The following PCDH15 variants were observed in gnomAD, a reference collection of about 807,000 sequenced individuals.
The protein encoded by PCDH15 is protocadherin related 15, also known as protocadherin-15.
In PCDH15, 129 loss-of-function variants were observed where a neutral mutation model predicts 178.5. The ratio of observed to expected loss-of-function variants is 0.72; its 90% CI spans 0.63 to 0.84. The LOEUF (loss-of-function observed/expected upper bound fraction) is 0.84. Among genes scored for constraint, PCDH15 ranks in the 40% least tolerant of loss-of-function variants. The pLI is 0.00. For missense variants in PCDH15, 2,230 were observed against 2,099.9 expected (o/e 1.06, Z -1.21); for synonymous variants, 800 against 732.0 (o/e 1.09, Z -1.50).
chr10:55,437,782 C>T (rs1350704797), intron 2 of PCDH15, among the ~76,000 whole-genome samples: 1 of 150,802 alleles, frequency 6.6e-6, no homozygotes, highest in Non-Finnish European at 1.5e-5. Flanking sequence ...TTAAAAAGTA[C>T]CATAAAGAAC....
At chr10:55,035,915 C>T (rs10825445) in intron 2 of PCDH15, among the ~76,000 whole-genome samples, 86,840 of 151,850 alleles carry the variant, frequency 0.57, 25,145 homozygotes, top group East Asian at 0.75. Context: ...ATATTAAGAA[C>T]GAGAAGGAAT....
intron 2 of PCDH15, among the ~76,000 whole-genome samples, chr10:55,577,181 T>G (rs991008957): frequency 6.6e-6 from 1 of 152,168 alleles, no homozygotes; most frequent in Non-Finnish European, 1.5e-5. Flanking sequence ...GTGCAGAGGT[T>G]GCAGTGAGCC....
intron 20 of PCDH15, among the ~76,000 whole-genome samples, chr10:54,010,066 G>A (rs770347952): frequency 6.6e-6 from 1 of 152,142 alleles, no homozygotes; most frequent in Non-Finnish European, 1.5e-5. Flanking sequence ...GTCCATTCCA[G>A]CCCCACCTGA....
At chr10:54,844,689 CTG>C (rs1163075101) in intron 3 of PCDH15, among the ~76,000 whole-genome samples, 2 of 151,926 alleles carry the variant, frequency 1.3e-5, no homozygotes, top group Non-Finnish European at 2.9e-5. Context: ...ACTGAAAACA[CTG>C]TTAACACTAA....
rs188591899 is a variant in PCDH15 at position 54,353,488 on chromosome 10, T to C, written c.475-7004A>G. Among the ~76,000 whole-genome samples, 7 of 152,254 alleles carry C rather than the reference T, an allele frequency of 4.6e-5. No individual in the cohort carries two copies. The East Asian group carries it at 1.4e-3, about 29-fold the overall frequency. On this transcript the variant is annotated intron_variant, in intron 5 of 37. Coordinates refer to ENST00000644397, the MANE Select transcript of PCDH15 (RefSeq NM_001384140.1). ...GTAATGAACACCTACACAAAAAATA[T>C]AATATTTTTATCACACTGTAAAATT...
chr10:54,806,945 T>TA (rs1952787958), intron 3 of PCDH15, among the ~76,000 whole-genome samples: 1 of 152,210 alleles, frequency 6.6e-6, no homozygotes, highest in South Asian at 2.1e-4. Context: ...ACTAGCAAGA[T>TA]AAAATCTTAC....
chr10:53,844,035 A>G lies in PCDH15; in HGVS notation c.3807-3539T>C, dbSNP rs189117080. 5.9e-5 allele frequency among the ~76,000 whole-genome samples: 9 copies of G among 151,764 alleles called. No homozygotes were observed. In the East Asian group the frequency reaches 1.7e-3, roughly 29 times the overall value. On this transcript the variant is annotated intron_variant, in intron 28 of 37. Transcript: ENST00000644397. ...TTGAGACTTTGATATTTGAGCAAAA[A>G]CTTTAGGGAACAATGTGTGCTGTGG...
chr10:55,047,016 T>C (rs1041404582), intron 2 of PCDH15, among the ~76,000 whole-genome samples: 19 of 151,900 alleles, frequency 1.3e-4, no homozygotes, highest in African/African-American at 4.1e-4. Flanking sequence ...TTGCAGCATT[T>C]TTTTAATCTC....
At chr10:55,153,703 T>C (rs566886827) in intron 2 of PCDH15, among the ~76,000 whole-genome samples, 1 of 152,262 alleles carries the variant, frequency 6.6e-6, no homozygotes, top group South Asian at 2.1e-4. Context: ...TTTTCATTTG[T>C]CTTCCACAAA....
chr10:54,599,220 C>T (rs766994182), intron 2 of PCDH15, among the ~76,000 whole-genome samples: 21 of 152,128 alleles, frequency 1.4e-4, no homozygotes, highest in Non-Finnish European at 2.4e-4. Context: ...GCACAAAGAA[C>T]AAAGCCGGAG....
intron 3 of PCDH15, among the ~76,000 whole-genome samples, chr10:54,519,886 C>T (rs1046227096): frequency 2.0e-5 from 3 of 152,110 alleles, no homozygotes; most frequent in African/African-American, 7.2e-5. Context: ...TGGAACAGAA[C>T]AGAGCCCTCA....
chr10:54,671,966 C>T (rs77747905), intron 1 of PCDH15, among the ~76,000 whole-genome samples: 2 of 152,104 alleles, frequency 1.3e-5, no homozygotes, highest in East Asian at 3.9e-4. Context: ...CCATCATTCG[C>T]ATTACCGCCT....
intron 1 of PCDH15, among the ~76,000 whole-genome samples, chr10:54,678,510 T>C (rs1232894951): frequency 6.6e-6 from 1 of 152,106 alleles, no homozygotes; most frequent in Non-Finnish European, 1.5e-5. Context: ...CCAATGAGGG[T>C]CCTTATATAA....
chr10:54,646,469 A>T (rs2094132085), intron 2 of PCDH15, among the ~76,000 whole-genome samples: 1 of 152,124 alleles, frequency 6.6e-6, no homozygotes, highest in Non-Finnish European at 1.5e-5. Context: ...TATATTTTGG[A>T]GAAATAGACA....
Position 54,253,504 on chromosome 10 carries a change from C to T in PCDH15, c.877-16573G>A, listed in dbSNP as rs147327162. Among the ~76,000 whole-genome samples the T allele has an allele frequency of 3.3e-5, 5 of 152,028 alleles. No homozygotes were observed. In the Middle Eastern group the frequency reaches 0.01, roughly 310 times the overall value. ...CTTCCTCTAGTTCTGTATCATCCAG[C>T]ATAGAGGACACATAATACTTTACAA... On this transcript the variant is annotated intron_variant, in intron 8 of 37. Coordinates refer to ENST00000644397, the MANE Select transcript of PCDH15 (RefSeq NM_001384140.1).
At chr10:54,756,056 A>AACACAC (rs71014414) in intron 1 of PCDH15, among the ~76,000 whole-genome samples, 115 of 71,720 alleles carry the variant, frequency 1.6e-3, no homozygotes, top group South Asian at 7.7e-3. Flanking sequence ...CTCTACTAAA[A>AACACAC]ACACACACAC....
At chr10:55,409,929 T>C (rs1838292693) in intron 2 of PCDH15, among the ~76,000 whole-genome samples, 1 of 152,174 alleles carries the variant, frequency 6.6e-6, no homozygotes, top group African/African-American at 2.4e-5. Flanking sequence ...AACTGAAGGC[T>C]ATAATTAACT....
intron 2 of PCDH15, among the ~76,000 whole-genome samples, chr10:55,165,915 C>T (rs1839185109): frequency 6.6e-6 from 1 of 151,948 alleles, no homozygotes; most frequent in South Asian, 2.1e-4. Context: ...ATTTCTATTT[C>T]GGATTCTATT....
At chr10:55,253,881 G>T (rs562561747) in intron 1 of PCDH15, among the ~76,000 whole-genome samples, 1 of 152,124 alleles carries the variant, frequency 6.6e-6, no homozygotes, top group East Asian at 1.9e-4. Flanking sequence ...GTAGTCAACC[G>T]TGAAAACATT....
Sources: allele counts gnomAD v4.1 joint callset (sites outside exome capture counted in the v4.1 genomes callset), GRCh38; gene constraint gnomAD v4.1.1; transcripts MANE v1.5; gene names NCBI Gene and HGNC (gene_info 2026-07-23, HGNC 2026-07-21).